Variants in ADAM19 observed in about 807,000 individuals in gnomAD.
ADAM19 encodes ADAM metallopeptidase domain 19.
Under a neutral mutation model 114.7 loss-of-function variants are expected in ADAM19, and 65 were observed. The ratio of observed to expected loss-of-function variants is 0.57; its 90% CI spans 0.46 to 0.70. The LOEUF (loss-of-function observed/expected upper bound fraction) is 0.70, where lower values mean the gene tolerates loss of function less well. Ranked by LOEUF, ADAM19 falls within the 30% of genes least tolerant of loss-of-function variation. ADAM19 has a pLI of 0.00. For synonymous variants in ADAM19, 466 were observed against 460.5 expected, an observed-to-expected ratio of 1.01 and a Z score of -0.15; for missense variants, 1,063 against 1,204.7, an observed-to-expected ratio of 0.88 and a Z score of 1.74.
chr5:157,564,774 G>A (rs1371697888), intron 2 of ADAM19, among the ~76,000 whole-genome samples: 1 of 152,158 alleles, frequency 6.6e-6, no homozygotes. Context: ...TTCAAGCACC[G>A]GCTCTGACAC....
intron 3 of ADAM19, among the ~76,000 whole-genome samples, chr5:157,552,846 T>C (rs981425041): frequency 6.6e-6 from 1 of 152,178 alleles, no homozygotes; most frequent in African/African-American, 2.4e-5. Context: ...TGGAGTACTA[T>C]TCTGCCATAA....
intron 3 of ADAM19, among the ~76,000 whole-genome samples, chr5:157,544,453 A>G (rs1170820742): frequency 6.6e-6 from 1 of 152,154 alleles, no homozygotes; most frequent in Non-Finnish European, 1.5e-5. Flanking sequence ...TTGCTTTTAC[A>G]TTATATACCA....
At chr5:157,513,562 T>TGTGAGA in intron 7 of ADAM19, 57 bp from the exon 8 acceptor site, 3 of 1,474,634 alleles carry the variant, frequency 2.0e-6, no homozygotes, top group Non-Finnish European at 2.8e-6. Flanking sequence ...GGATGCTTCC[T>TGTGAGA]GCGCCCCATT....
chr5:157,553,160 T>C (rs1757251977), intron 3 of ADAM19, among the ~76,000 whole-genome samples: 1 of 152,218 alleles, frequency 6.6e-6, no homozygotes, highest in African/African-American at 2.4e-5. Flanking sequence ...AATTTAACTA[T>C]ACATTTTAAA....
At chr5:157,520,619 C>T (rs1756258278) in intron 5 of ADAM19, among the ~76,000 whole-genome samples, 1 of 152,184 alleles carries the variant, frequency 6.6e-6, no homozygotes, top group Admixed American at 6.5e-5. Context: ...TCAGTTTCCT[C>T]ATCCCTAACA....
chr5:157,566,154 G>A (rs1481519333), intron 2 of ADAM19: 4 of 150,754 alleles, frequency 2.7e-5, no homozygotes, highest in Admixed American at 2.6e-4. Context: ...TAACCTAACT[G>A]TCCTAAATAT....
At chr5:157,564,553 G>A (rs1757600534) in intron 2 of ADAM19, 110 bp from the exon 3 acceptor site, 2 of 914,354 alleles carry the variant, frequency 2.2e-6, no homozygotes, top group Non-Finnish European at 3.6e-6. Flanking sequence ...GGAAGTGAAT[G>A]AGCAAAGGTC....
chr5:157,536,781 T>C (rs1463407332), intron 4 of ADAM19, among the ~76,000 whole-genome samples: 1 of 152,200 alleles, frequency 6.6e-6, no homozygotes, highest in Non-Finnish European at 1.5e-5. Context: ...AGAATGGGCC[T>C]GGTAGAACAC....
At chr5:157,534,365 G>A (rs1370665655) in intron 4 of ADAM19, among the ~76,000 whole-genome samples, 1 of 152,180 alleles carries the variant, frequency 6.6e-6, no homozygotes, top group Non-Finnish European at 1.5e-5. Context: ...ATACTCGGAA[G>A]GCTGAGGCAT....
At chr5:157,496,795 G>T in intron 14 of ADAM19, 99 bp downstream of exon 14, 1 of 1,062,194 alleles carries the variant, frequency 9.4e-7, no homozygotes, top group Non-Finnish European at 1.3e-6. Flanking sequence ...ATCTAGAGGT[G>T]CCATTTGAAG....
intron 3 of ADAM19, among the ~76,000 whole-genome samples, chr5:157,554,167 T>C (rs1757281678): frequency 6.6e-6 from 1 of 152,226 alleles, no homozygotes; most frequent in South Asian, 2.1e-4. Context: ...TGTTGTTATC[T>C]GAAGGTAAGC....
chr5:157,479,275 G>A lies in ADAM19; in HGVS notation c.*1674C>T. 7 of 985,882 alleles carry A rather than the reference G, an allele frequency of 7.1e-6. No homozygotes were observed. Among genetic ancestry groups the A allele is most frequent in the Non-Finnish European group, 8.4e-6 (7 of 829,974 alleles). The allele number at this position is 985,882 out of a possible 1,614,324, so 61.1% of individuals were successfully genotyped here. On this transcript the variant is annotated 3_prime_UTR_variant, in exon 23 of 23. Transcript: ENST00000257527. ...ATTTTCCACTTATTTCCAAACCCAA[G>A]AACATCCAAGAAGCACCTATTGTGT...
At chr5:157,552,769 G>C (rs931751045) in intron 3 of ADAM19, among the ~76,000 whole-genome samples, 2 of 150,206 alleles carry the variant, frequency 1.3e-5, no homozygotes, top group Non-Finnish European at 2.9e-5. Context: ...CAATAGCCAA[G>C]ATTTGGAAGC....
intron 11 of ADAM19, among the ~76,000 whole-genome samples, chr5:157,504,798 C>A (rs1051124883): frequency 2.0e-5 from 3 of 151,810 alleles, no homozygotes; most frequent in Non-Finnish European, 4.4e-5. Context: ...GAAGAAACTC[C>A]CTAATTCTCT....
chr5:157,488,313 AG>A lies in ADAM19; in HGVS notation c.2501del (p.Pro834LeufsTer80). The A allele has an allele frequency of 6.2e-7, 1 of 1,614,108 alleles. No individual in the cohort carries two copies. Among genetic ancestry groups the A allele is most frequent in the Non-Finnish European group, 8.5e-7 (1 of 1,179,978 alleles). On this transcript the variant is annotated frameshift_variant, in exon 21 of 23. Transcript: ENST00000257527. LOFTEE classifies it high-confidence loss of function. ...QIERTESSRRPPPSRPIPPAP... is the reference protein window; with the variant it reads ...QIERTESSRRXPPSRPIPPAP... ...CGGGGGGAATTGGCCGGCTTGGAGG[AG>A]GCCTCCTGGACGACTCCGTCCTCTC...
intron 2 of ADAM19, among the ~76,000 whole-genome samples, chr5:157,565,082 G>T (rs1391818638): frequency 6.6e-6 from 1 of 152,086 alleles, no homozygotes; most frequent in East Asian, 1.9e-4. Flanking sequence ...TCAAATTAAG[G>T]TTTTATAGGC....
In ADAM19 at chr5:157,502,862, G is replaced by A. The variant is rs369868105; in HGVS notation, c.1249C>T (p.Arg417Trp). ...MPDTRMLYGG[R>W]RCGNGYLEDG... ...TCCAGATACCCGTTCCCACACCTCC[G>A]GCCTCCATACAACATCCTGGTGTCT... Residue 417 changes from arginine (R) to tryptophan (W), a missense_variant, in exon 12 of 23, where the codon CGG (arginine) becomes TGG (tryptophan). By Grantham distance (101) the Arg-to-Trp change is moderately radical (BLOSUM62 -3). Around this residue, in one of 3 missense-constraint regions of ADAM19, gnomAD observed 615 missense variants for 706.3 expected, o/e 0.87. Coordinates refer to ENST00000257527, the MANE Select transcript of ADAM19 (RefSeq NM_033274.5). The A allele has an allele frequency of 6.2e-6, 10 of 1,613,856 alleles. No homozygotes were observed. The highest frequency in any genetic ancestry group is 2.2e-5 in the South Asian group (2 of 91,066).
intron 2 of ADAM19, 85 bp from the exon 3 acceptor site, chr5:157,564,528 C>A: frequency 9.0e-7 from 1 of 1,106,294 alleles, no homozygotes; most frequent in African/African-American, 1.5e-5. Context: ...CACAGCGCTC[C>A]AACATTGATC....
chr5:157,518,766 G>A, intron 7 of ADAM19, 57 bp downstream of exon 7: 1 of 1,313,734 alleles, frequency 7.6e-7, no homozygotes, highest in Non-Finnish European at 1.1e-6. Context: ...TCTGGAGCCT[G>A]GAATGGAAGC....
Sources: allele counts gnomAD v4.1 joint callset (sites outside exome capture counted in the v4.1 genomes callset), GRCh38; gene constraint gnomAD v4.1.1; regional missense constraint gnomAD v4.1.1; transcripts MANE v1.5; gene names NCBI Gene and HGNC (gene_info 2026-07-23, HGNC 2026-07-21).